Variants in PTPRO observed in about 807,000 individuals in gnomAD.
PTPRO encodes protein tyrosine phosphatase receptor type O.
PTPRO carries 62 observed loss-of-function variants against 145.2 expected under a neutral mutation model. That is an observed-to-expected ratio of 0.43 (90% confidence interval 0.35 to 0.53). The LOEUF (loss-of-function observed/expected upper bound fraction) is 0.53, where lower values mean the gene tolerates loss of function less well. Ranked by LOEUF, PTPRO falls within the 20% of genes least tolerant of loss-of-function variation. The pLI is 0.01. For synonymous variants in PTPRO, 565 were observed against 514.7 expected (o/e 1.10, Z -1.32); for missense variants, 1,345 against 1,482.7 (o/e 0.91, Z 1.53).
intron 15 of PTPRO, 49 bp downstream of exon 15, chr12:15,551,720 T>C: frequency 6.3e-7 from 1 of 1,585,936 alleles, no homozygotes; most frequent in Non-Finnish European, 8.6e-7. Context: ...AAAATATCTT[T>C]ATCTGCCATA....
intron 1 of PTPRO, among the ~76,000 whole-genome samples, chr12:15,342,453 A>G (rs1213041279): frequency 1.3e-5 from 2 of 151,766 alleles, no homozygotes; most frequent in African/African-American, 4.8e-5. Flanking sequence ...TAGAGCATCA[A>G]TTGTGTGCCA....
intron 1 of PTPRO, among the ~76,000 whole-genome samples, chr12:15,353,568 G>T (rs2136233917): frequency 6.6e-6 from 1 of 152,288 alleles, no homozygotes; most frequent in East Asian, 1.9e-4. Flanking sequence ...TATTGCCCTT[G>T]TTTGATGAGA....
intron 1 of PTPRO, among the ~76,000 whole-genome samples, chr12:15,388,693 T>C (rs1939099693): frequency 1.3e-5 from 2 of 152,318 alleles, no homozygotes; most frequent in South Asian, 4.1e-4. Flanking sequence ...ACAATTTCAG[T>C]GTGTTATTCT....
chr12:15,420,652 C>G (rs867066911), intron 1 of PTPRO, among the ~76,000 whole-genome samples: 1 of 148,138 alleles, frequency 6.8e-6, no homozygotes, highest in Non-Finnish European at 1.5e-5. Flanking sequence ...TAGTAAATAA[C>G]TATCATTATA....
chr12:15,433,353 T>G (rs966226209), intron 1 of PTPRO, among the ~76,000 whole-genome samples: 1 of 152,020 alleles, frequency 6.6e-6, no homozygotes, highest in African/African-American at 2.4e-5. Context: ...CTTTTTGTAT[T>G]TGTATTTTTT....
intron 1 of PTPRO, among the ~76,000 whole-genome samples, chr12:15,421,936 C>G (rs2136328240): frequency 6.6e-6 from 1 of 151,802 alleles, no homozygotes; most frequent in South Asian, 2.1e-4. Flanking sequence ...ATGCTTAGAA[C>G]AATACCTGAT....
chr12:15,578,474 A>G (rs1652664833), intron 19 of PTPRO, among the ~76,000 whole-genome samples: 1 of 152,212 alleles, frequency 6.6e-6, no homozygotes, highest in African/African-American at 2.4e-5. Flanking sequence ...AATAACATTT[A>G]CTTTTCTCAC....
intron 10 of PTPRO, among the ~76,000 whole-genome samples, chr12:15,521,902 G>A (rs1416978800): frequency 6.6e-6 from 1 of 152,194 alleles, no homozygotes; most frequent in Non-Finnish European, 1.5e-5. Flanking sequence ...CATAGCAAGT[G>A]TGGATCAATA....
chr12:15,527,485 C>T (rs549229297), intron 12 of PTPRO, among the ~76,000 whole-genome samples: 1 of 152,306 alleles, frequency 6.6e-6, no homozygotes, highest in Admixed American at 6.5e-5. Flanking sequence ...ATGGAACTAC[C>T]ATTCCCAGTC....
intron 1 of PTPRO, among the ~76,000 whole-genome samples, chr12:15,428,982 T>A (rs1378847281): frequency 6.6e-6 from 1 of 152,204 alleles, no homozygotes; most frequent in African/African-American, 2.4e-5. Flanking sequence ...CATATCTAGC[T>A]ACAAGGAAAA....
At chr12:15,539,693 C>T (rs139344558) in intron 12 of PTPRO, among the ~76,000 whole-genome samples, 3 of 119,348 alleles carry the variant, frequency 2.5e-5, no homozygotes, top group Non-Finnish European at 3.2e-5. Context: ...ACCCGGGAGG[C>T]GGAGGTCGCT....
chr12:15,560,067 T>G, intron 16 of PTPRO, 126 bp from the exon 17 acceptor site: 1 of 735,098 alleles, frequency 1.4e-6, no homozygotes, highest in Non-Finnish European at 2.4e-6. Context: ...AATATTTAAT[T>G]GTAATTAAGG....
At chr12:15,365,157 A>G (rs548139957) in intron 1 of PTPRO, among the ~76,000 whole-genome samples, 1 of 152,246 alleles carries the variant, frequency 6.6e-6, no homozygotes, top group East Asian at 1.9e-4. Context: ...TATGCTGGAC[A>G]TATCCCCTGA....
intron 22 of PTPRO, among the ~76,000 whole-genome samples, 166 bp downstream of exon 22, chr12:15,580,997 A>G (rs1215817438): frequency 3.9e-5 from 6 of 152,200 alleles, no homozygotes; most frequent in African/African-American, 1.2e-4. Flanking sequence ...GGGTAAACAC[A>G]CAGACCCGGT....
intron 10 of PTPRO, among the ~76,000 whole-genome samples, chr12:15,520,608 C>G (rs1403698749): frequency 6.6e-6 from 1 of 152,142 alleles, no homozygotes; most frequent in East Asian, 1.9e-4. Context: ...ATGGCAGGCA[C>G]AGCCATCAGC....
intron 12 of PTPRO, among the ~76,000 whole-genome samples, chr12:15,544,506 C>CAAAAAAAA (rs61249816): frequency 4.1e-5 from 3 of 73,200 alleles, no homozygotes; most frequent in Admixed American, 1.5e-4. Flanking sequence ...GACTCCATCT[C>CAAAAAAAA]AAAAAAAAAA....
At chr12:15,579,982 A>C in intron 20 of PTPRO, 57 bp from the exon 21 acceptor site, 1 of 1,420,258 alleles carries the variant, frequency 7.0e-7, no homozygotes, top group Non-Finnish European at 9.9e-7. Flanking sequence ...GAAAGGGCCA[A>C]AATAATTTTT....
chr12:15,526,196 A>G lies in PTPRO; in HGVS notation c.2098A>G (p.Asn700Asp), dbSNP rs771002673. ...CAGCTTGCCTCCAGGCGACATCTAT[A>G]ACCTCTCAGTAACTGCTTGTACTGA... ...ILSLPPGDIY[N>D]LSVTACTERG... Residue 700 changes from asparagine (N) to aspartate (D), a missense_variant, in exon 12 of 27, where the codon AAC becomes GAC. Transcript: ENST00000281171. 1 of 1,613,866 alleles carries G rather than the reference A, an allele frequency of 6.2e-7. No individual in the cohort carries two copies. Among genetic ancestry groups the G allele is most frequent in the Admixed American group, 1.7e-5 (1 of 60,012 alleles).
At chr12:15,487,008 G>A (rs2098905795) in intron 2 of PTPRO, among the ~76,000 whole-genome samples, 1 of 152,226 alleles carries the variant, frequency 6.6e-6, no homozygotes, top group Middle Eastern at 3.4e-3. Context: ...TAGGCTGCCA[G>A]GAGTGGTAGT....
Sources: gnomAD v4.1 joint callset for allele counts (sites outside exome capture counted in the v4.1 genomes callset) on GRCh38, gnomAD v4.1.1 for gene constraint, MANE v1.5 for transcripts, NCBI Gene and HGNC (gene_info 2026-07-23, HGNC 2026-07-21) for gene names.